IPCEF1: variants seen among roughly 807,000 people sequenced by gnomAD.
IPCEF1 encodes the protein interactor protein for cytohesin exchange factors 1.
In IPCEF1, 31 loss-of-function variants were observed where a neutral mutation model predicts 50.9. That is an observed-to-expected ratio of 0.61 (90% CI 0.46 to 0.82). IPCEF1 has a LOEUF of 0.82. Ranked by LOEUF, IPCEF1 falls within the 40% of genes least tolerant of loss-of-function variation. The probability of loss-of-function intolerance (pLI) is 0.00; values close to 1 mark genes in which losing one functional copy is unlikely to be tolerated. For missense variants in IPCEF1, 458 were observed against 514.0 expected (o/e 0.89, Z 1.05); for synonymous variants, 181 against 192.0 (o/e 0.94, Z 0.47).
At chr6:154,274,404 G>A (rs1445784557) in intron 2 of IPCEF1, among the ~76,000 whole-genome samples, 1 of 152,114 alleles carries the variant, frequency 6.6e-6, no homozygotes, top group Admixed American at 6.5e-5. Flanking sequence ...TGACAATCAA[G>A]GCTCAGACAC....
At chr6:154,189,278 C>T (rs1480045526) in intron 10 of IPCEF1, among the ~76,000 whole-genome samples, 1 of 152,118 alleles carries the variant, frequency 6.6e-6, no homozygotes, top group East Asian at 1.9e-4. Context: ...AGCGCTCATC[C>T]ATGCTGAAGA....
chr6:154,189,015 C>A (rs1455588879), intron 10 of IPCEF1, among the ~76,000 whole-genome samples: 1 of 152,046 alleles, frequency 6.6e-6, no homozygotes, highest in Non-Finnish European at 1.5e-5. Context: ...TTAAAAGATA[C>A]TACTTTACAA....
chr6:154,344,197 C>T (rs1783979989), intron 1 of IPCEF1, among the ~76,000 whole-genome samples: 1 of 152,176 alleles, frequency 6.6e-6, no homozygotes, highest in Non-Finnish European at 1.5e-5. Flanking sequence ...CTTTCTTCTC[C>T]CTTTTCTCTT....
intron 3 of IPCEF1, among the ~76,000 whole-genome samples, chr6:154,258,223 A>G (rs1327127134): frequency 6.6e-6 from 1 of 152,144 alleles, no homozygotes; most frequent in Admixed American, 6.5e-5. Flanking sequence ...AGCCCCTGTA[A>G]TAAGCTATTT....
intron 2 of IPCEF1, among the ~76,000 whole-genome samples, chr6:154,266,844 C>T (rs988624920): frequency 6.6e-5 from 10 of 151,952 alleles, no homozygotes; most frequent in Non-Finnish European, 1.3e-4. Context: ...GAAAAAAATC[C>T]TCATGTTTTC....
At position 154,330,929 on chromosome 6, in the gene IPCEF1, G is replaced by A. The variant is rs150406607; in HGVS notation, c.-62+25743C>T. 3.3e-5 allele frequency among the ~76,000 whole-genome samples: 5 copies of A among 152,302 alleles called. No homozygotes were observed. The East Asian group carries it at 7.7e-4, about 23-fold the overall frequency. ...TTGGAGGAGGTAGCTAGGCAGACAT[G>A]AGCAGGGCAGGAGAGGGCTCCTTCC... On this transcript the variant is annotated intron_variant, in intron 1 of 11. Transcript: ENST00000367220.
At chr6:154,322,580 G>A (rs536350082) in intron 1 of IPCEF1, among the ~76,000 whole-genome samples, 118 of 152,216 alleles carry the variant, frequency 7.8e-4, no homozygotes, top group Non-Finnish European at 1.4e-3. Flanking sequence ...GCTCACAGCC[G>A]TAATCCCAGC....
At chr6:154,333,866 C>G (rs1418415722) in intron 1 of IPCEF1, among the ~76,000 whole-genome samples, 1 of 151,936 alleles carries the variant, frequency 6.6e-6, no homozygotes, top group Non-Finnish European at 1.5e-5. Flanking sequence ...TAGTCACAGA[C>G]TGCCCCTCCA....
intron 5 of IPCEF1, among the ~76,000 whole-genome samples, chr6:154,232,281 T>C (rs1779783760): frequency 6.6e-6 from 1 of 152,232 alleles, no homozygotes; most frequent in Non-Finnish European, 1.5e-5. Context: ...AATGTCTGTG[T>C]TTTATTTTCT....
chr6:154,290,108 G>A (rs73789430), intron 1 of IPCEF1, among the ~76,000 whole-genome samples: 2,792 of 152,286 alleles, frequency 0.018, 96 homozygotes, highest in African/African-American at 0.065. Flanking sequence ...CTTGAAGCTG[G>A]TGATCAGCAG....
intron 1 of IPCEF1, among the ~76,000 whole-genome samples, chr6:154,312,970 C>T (rs370780885): frequency 3.5e-4 from 51 of 145,132 alleles, no homozygotes; most frequent in South Asian, 1.8e-3. Flanking sequence ...CTAACACTTT[C>T]GGAGGGTAAG....
intron 1 of IPCEF1, among the ~76,000 whole-genome samples, chr6:154,304,077 G>T (rs1782868449): frequency 6.6e-6 from 1 of 151,108 alleles, no homozygotes; most frequent in Non-Finnish European, 1.5e-5. Flanking sequence ...AATTAAGTTA[G>T]CCTGGTGTGG....
At chr6:154,272,897 A>T (rs1211052014) in intron 2 of IPCEF1, among the ~76,000 whole-genome samples, 2 of 152,238 alleles carry the variant, frequency 1.3e-5, no homozygotes, top group African/African-American at 2.4e-5. Context: ...AAAAAATTCC[A>T]CTAAGGGGAT....
At chr6:154,327,033 C>A (rs760678246) in intron 1 of IPCEF1, among the ~76,000 whole-genome samples, 104 of 152,260 alleles carry the variant, frequency 6.8e-4, no homozygotes, top group Middle Eastern at 3.4e-3. Context: ...TGAAACTGGA[C>A]CTCTTCCTTA....
chr6:154,265,911 C>G lies in IPCEF1; in HGVS notation c.36+1G>C. On this transcript the variant is annotated splice_donor_variant, in intron 3 of 11. Coordinates refer to ENST00000367220, the MANE Select transcript of IPCEF1 (RefSeq NM_001130700.2). LOFTEE classifies it high-confidence loss of function. ...CCTGGGGTATTCCAAAGGATACTTA[C>G]AAGAGCACTGCCATCAATAGCCATG... 6.3e-7 allele frequency: 1 copy of G among 1,596,096 alleles called. No individual in the cohort carries two copies. Among genetic ancestry groups the G allele is most frequent in the Non-Finnish European group, 8.6e-7 (1 of 1,169,316 alleles).
chr6:154,233,333 G>A (rs1463527648), intron 5 of IPCEF1, among the ~76,000 whole-genome samples: 1 of 151,938 alleles, frequency 6.6e-6, no homozygotes. Context: ...TCAGATTAAT[G>A]GTTATAAAAA....
chr6:154,326,805 C>G (rs1783531901), intron 1 of IPCEF1, among the ~76,000 whole-genome samples: 1 of 152,172 alleles, frequency 6.6e-6, no homozygotes, highest in Admixed American at 6.6e-5. Context: ...TGTTACCCAA[C>G]TTCAAACTAT....
At chr6:154,265,885 G>A (rs1185680058) in intron 3 of IPCEF1, 27 bp downstream of exon 3, 6 of 1,537,810 alleles carry the variant, frequency 3.9e-6, no homozygotes, top group Non-Finnish European at 5.3e-6. Flanking sequence ...AATATCTAAA[G>A]CCTGGGGTAT....
At chr6:154,241,065 G>A (rs1023354432) in intron 5 of IPCEF1, among the ~76,000 whole-genome samples, 30 of 151,836 alleles carry the variant, frequency 2.0e-4, no homozygotes, top group Non-Finnish European at 3.8e-4. Context: ...GTGAAACCCC[G>A]TCTCTACTAA....
Sources: gnomAD v4.1 joint callset for allele counts (sites outside exome capture counted in the v4.1 genomes callset) on GRCh38, gnomAD v4.1.1 for gene constraint, MANE v1.5 for transcripts, NCBI Gene and HGNC (gene_info 2026-07-23, HGNC 2026-07-21) for gene names.